ASB3: variants seen among roughly 807,000 people sequenced by gnomAD.
The protein encoded by ASB3 is ankyrin repeat and SOCS box containing 3, also known as ankyrin repeat and SOCS box protein 3.
Under a neutral mutation model 54.5 loss-of-function variants are expected in ASB3, and 41 were observed. The observed-to-expected ratio is 0.75, with a 90% CI of 0.59 to 0.98. The LOEUF is 0.98. Among genes scored for constraint, ASB3 ranks in the 50% least tolerant of loss-of-function variants. ASB3 has a pLI of 0.00. For missense variants in ASB3, 733 were observed against 620.0 expected, an observed-to-expected ratio of 1.18 and a Z score of -1.94; for synonymous variants, 266 against 221.2, an observed-to-expected ratio of 1.20 and a Z score of -1.80.
At chr2:53,736,505 T>C in intron 3 of ASB3, among the ~76,000 whole-genome samples, 1 of 151,432 alleles carries the variant, frequency 6.6e-6, no homozygotes, top group East Asian at 2.0e-4. Context: ...GAGACCATCC[T>C]GGCTAACACG....
chr2:53,744,337 T>C (rs1023886197), intron 3 of ASB3, among the ~76,000 whole-genome samples: 5 of 150,008 alleles, frequency 3.3e-5, no homozygotes, highest in Non-Finnish European at 5.9e-5. Flanking sequence ...TGAGCCGAGA[T>C]AGTGCCACTG....
intron 7 of ASB3, among the ~76,000 whole-genome samples, chr2:53,713,788 C>G (rs1670235292): frequency 6.6e-6 from 1 of 151,982 alleles, no homozygotes; most frequent in South Asian, 2.1e-4. Flanking sequence ...TGGTGTACAC[C>G]TGTAGACCCA....
At position 53,670,684 on chromosome 2, in the gene ASB3, A is replaced by T; in HGVS notation, c.1376T>A (p.Val459Asp). The T allele has an allele frequency of 6.2e-7, 1 of 1,607,108 alleles. No homozygotes were observed. Among genetic ancestry groups the T allele is most frequent in the East Asian group, 2.2e-5 (1 of 44,758 alleles). ...AWILQQHIAT[V>D]PSLTHLCRLE... ...ACGACAAAGATGGGTCAGGGATGGA[A>T]CAGTGGCTGGAGAAACAAAAAAAGC... Residue 459 changes from valine (V) to aspartate (D), a missense_variant, in exon 10 of 10, where the codon GTT (valine) becomes GAT (aspartate). Transcript: ENST00000263634.
At chr2:53,695,701 GTA>G (rs572027532) in intron 8 of ASB3, among the ~76,000 whole-genome samples, 1 of 152,030 alleles carries the variant, frequency 6.6e-6, no homozygotes, top group African/African-American at 2.4e-5. Flanking sequence ...CCATTACATT[GTA>G]TAGACCAGTT....
chr2:53,707,974 A>G (rs59167843), intron 7 of ASB3, among the ~76,000 whole-genome samples: 2,087 of 149,302 alleles, frequency 0.014, 53 homozygotes, highest in African/African-American at 0.05. Flanking sequence ...AAAAAAAAAA[A>G]AAAGAAAGAA....
chr2:53,779,441 A>AT (rs904287192), intron 1 of ASB3, among the ~76,000 whole-genome samples: 98 of 147,456 alleles, frequency 6.6e-4, no homozygotes, highest in East Asian at 9.8e-4. Flanking sequence ...CAATCAAGTA[A>AT]TTTTTTTTTT....
chr2:53,722,636 T>G (rs949512747), intron 5 of ASB3, among the ~76,000 whole-genome samples: 1 of 151,928 alleles, frequency 6.6e-6, no homozygotes, highest in South Asian at 2.1e-4. Flanking sequence ...CCCTTCATGA[T>G]AAAAACAAAA....
intron 3 of ASB3, among the ~76,000 whole-genome samples, chr2:53,735,973 T>C (rs371799019): frequency 4.0e-5 from 6 of 149,372 alleles, no homozygotes; most frequent in Admixed American, 6.7e-5. Flanking sequence ...AAATTCCAGA[T>C]TGGATTTAGA....
intron 1 of ASB3, chr2:53,774,327 T>C (rs1194252466): frequency 3.7e-6 from 6 of 1,613,480 alleles, no homozygotes; most frequent in East Asian, 2.2e-5. Flanking sequence ...CTGATTATCT[T>C]GGTCCTGCAC....
intron 5 of ASB3, among the ~76,000 whole-genome samples, chr2:53,717,975 C>A (rs1012398651): frequency 6.6e-6 from 1 of 151,626 alleles, no homozygotes; most frequent in African/African-American, 2.4e-5. Context: ...TCAAACTAAC[C>A]CAGTCAGATA....
chr2:53,693,979 G>A lies in ASB3; in HGVS notation c.1274C>T (p.Thr425Ile). The part of the protein sequence containing the change: ...DSVSIDTLIF[T>I]LEFTNWKTLA... ...TGTCTTCCAATTAGTAAACTCCAAAGTGAAGATAAGGGTGTCAATGCTGAC... is the reference window on the plus strand; with the variant it reads ...TGTCTTCCAATTAGTAAACTCCAAAATGAAGATAAGGGTGTCAATGCTGAC... The change falls in exon 9 of 10, where the codon ACT (threonine) becomes ATT (isoleucine). Residue 425 changes from threonine (T) to isoleucine (I), a missense_variant. Transcript: ENST00000263634. The A allele has an allele frequency of 1.2e-6, 2 of 1,613,556 alleles. No individual in the cohort carries two copies. The highest frequency in any genetic ancestry group is 1.3e-5 in the African/African-American group (1 of 75,014).
At chr2:53,694,802 A>C (rs1054309099) in intron 8 of ASB3, among the ~76,000 whole-genome samples, 25 of 152,170 alleles carry the variant, frequency 1.6e-4, no homozygotes, top group African/African-American at 5.8e-4. Flanking sequence ...ATAATACATA[A>C]GCTGCCCATT....
intron 1 of ASB3, among the ~76,000 whole-genome samples, chr2:53,772,446 T>A (rs1674006622): frequency 6.6e-6 from 1 of 152,142 alleles, no homozygotes; most frequent in Admixed American, 6.5e-5. Context: ...AGTGCTGGGA[T>A]TACAGGCATG....
chr2:53,780,731 T>C (rs1038051741), intron 1 of ASB3, among the ~76,000 whole-genome samples: 2 of 152,068 alleles, frequency 1.3e-5, no homozygotes, highest in Non-Finnish European at 2.9e-5. Flanking sequence ...TGAGCTATCA[T>C]AAGGCCCCTA....
chr2:53,721,888 G>C (rs568896076), intron 5 of ASB3, among the ~76,000 whole-genome samples: 1 of 151,850 alleles, frequency 6.6e-6, no homozygotes, highest in African/African-American at 2.4e-5. Flanking sequence ...CCATACAAAG[G>C]ATCAATGAAA....
chr2:53,716,491 A>T (rs1174319311), intron 6 of ASB3, 75 bp downstream of exon 6: 4 of 1,524,584 alleles, frequency 2.6e-6, no homozygotes, highest in Non-Finnish European at 3.5e-6. Flanking sequence ...CTAGAGGTGA[A>T]GGGTCTAGCC....
At chr2:53,753,000 T>C (rs774288202) in intron 2 of ASB3, among the ~76,000 whole-genome samples, 6 of 151,754 alleles carry the variant, frequency 4.0e-5, no homozygotes, top group Non-Finnish European at 7.4e-5. Context: ...ACCATTTAAA[T>C]ATTATGCCTT....
At chr2:53,753,412 G>A (rs1672636486) in intron 2 of ASB3, among the ~76,000 whole-genome samples, 1 of 152,166 alleles carries the variant, frequency 6.6e-6, no homozygotes, top group African/African-American at 2.4e-5. Flanking sequence ...AGGAAAGAGG[G>A]AAGGCTAGAA....
chr2:53,767,599 G>A (rs1430086610), intron 1 of ASB3: 2 of 366,008 alleles, frequency 5.5e-6, no homozygotes, highest in Non-Finnish European at 1.0e-5. Context: ...CTGCACACGG[G>A]CACTAAAGGT....
Sources: allele counts gnomAD v4.1 joint callset (sites outside exome capture counted in the v4.1 genomes callset), GRCh38; gene constraint gnomAD v4.1.1; transcripts MANE v1.5; gene names NCBI Gene and HGNC (gene_info 2026-07-23, HGNC 2026-07-21).